THSD4: variants seen among roughly 807,000 people sequenced by gnomAD.
THSD4 encodes the protein thrombospondin type 1 domain containing 4, also known as thrombospondin type-1 domain-containing protein 4.
A neutral mutation model predicts 119.0 loss-of-function variants in THSD4; 69 were observed. The ratio of observed to expected loss-of-function variants is 0.58; its 90% CI spans 0.48 to 0.71. The LOEUF (loss-of-function observed/expected upper bound fraction) is 0.71, where lower values mean the gene tolerates loss of function less well. THSD4 is among the 30% of genes least tolerant of loss of function. The probability of loss-of-function intolerance (pLI) is 0.00; values close to 1 mark genes in which losing one functional copy is unlikely to be tolerated. For missense variants in THSD4, 1,393 were observed against 1,391.1 expected (o/e 1.00, Z -0.02); for synonymous variants, 524 against 540.4 (o/e 0.97, Z 0.42).
chr15:71,472,847 A>G (rs1342296169), intron 7 of THSD4, among the ~76,000 whole-genome samples: 1 of 152,160 alleles, frequency 6.6e-6, no homozygotes, highest in Non-Finnish European at 1.5e-5. Context: ...AAAAACTCCC[A>G]TGGGAAGGAA....
intron 3 of THSD4, among the ~76,000 whole-genome samples, chr15:71,168,207 A>G (rs2043314185): frequency 6.6e-6 from 1 of 152,254 alleles, no homozygotes; most frequent in Non-Finnish European, 1.5e-5. Flanking sequence ...AGACTTTAAT[A>G]AAACAATAAG....
At chr15:71,622,417 T>C (rs980991664) in intron 7 of THSD4, among the ~76,000 whole-genome samples, 5 of 152,186 alleles carry the variant, frequency 3.3e-5, no homozygotes, top group Non-Finnish European at 5.9e-5. Context: ...GTCCCAAATA[T>C]TACTCATAAA....
intron 7 of THSD4, among the ~76,000 whole-genome samples, chr15:71,506,202 C>A (rs1290643930): frequency 6.6e-6 from 1 of 152,114 alleles, no homozygotes; most frequent in African/African-American, 2.4e-5. Context: ...TTTTGCTGAT[C>A]TAGATCTTAG....
At chr15:71,527,911 C>G (rs183012180) in intron 7 of THSD4, among the ~76,000 whole-genome samples, 59 of 152,026 alleles carry the variant, frequency 3.9e-4, no homozygotes, top group Non-Finnish European at 7.5e-4. Flanking sequence ...CAGTGTCTTG[C>G]CATGTTGCCC....
chr15:71,442,695 T>TATAC (rs2047126267), intron 7 of THSD4, among the ~76,000 whole-genome samples: 1 of 118,442 alleles, frequency 8.4e-6, no homozygotes, highest in African/African-American at 3.1e-5. Flanking sequence ...TATATATATA[T>TATAC]ATATATATGA....
rs114400216 is a variant in THSD4, at chr15:71,690,556, T to C, written c.1357+29822T>C. Among the ~76,000 whole-genome samples, 502 of 152,294 alleles carry C rather than the reference T, an allele frequency of 3.3e-3. 5 individuals are homozygous for C. The highest frequency in any genetic ancestry group is 0.012 in the African/African-American group (482 of 41,582). The stretch of plus-strand genomic sequence containing the variant: ...TGTCCACAGCCTACTCCCGAGAACC[T>C]GTGAACATGTTAAGTTACATGGTGT... On this transcript the variant is annotated intron_variant, in intron 8 of 17. Coordinates refer to ENST00000261862, the MANE Select transcript of THSD4 (RefSeq NM_024817.3).
intron 7 of THSD4, among the ~76,000 whole-genome samples, chr15:71,519,111 C>A (rs1008738175): frequency 3.3e-5 from 5 of 152,118 alleles, no homozygotes; most frequent in Non-Finnish European, 7.3e-5. Flanking sequence ...GACTTTTGAA[C>A]TCAGACCTGA....
intron 3 of THSD4, among the ~76,000 whole-genome samples, chr15:71,199,727 A>G (rs1484942333): frequency 9.7e-3 from 189 of 19,524 alleles, no homozygotes; most frequent in Middle Eastern, 0.038. Context: ...GTGTGTGTGT[A>G]GTGTGTGTGT....
chr15:71,339,616 T>G (rs967060455), intron 6 of THSD4, among the ~76,000 whole-genome samples: 2 of 152,162 alleles, frequency 1.3e-5, no homozygotes, highest in African/African-American at 4.8e-5. Flanking sequence ...GGTAGGAACT[T>G]CTCTGTCATA....
At chr15:71,518,859 G>A (rs986021594) in intron 7 of THSD4, among the ~76,000 whole-genome samples, 2 of 152,154 alleles carry the variant, frequency 1.3e-5, no homozygotes, top group African/African-American at 4.8e-5. Context: ...GCCAGGCACT[G>A]TTGCTCAGGG....
chr15:71,715,737 C>T (rs532566793), intron 8 of THSD4, among the ~76,000 whole-genome samples: 7 of 150,724 alleles, frequency 4.6e-5, no homozygotes, highest in Non-Finnish European at 8.8e-5. Flanking sequence ...GCAATTTAGT[C>T]GCAGATTTGG....
intron 7 of THSD4, among the ~76,000 whole-genome samples, chr15:71,586,616 C>A (rs945477954): frequency 2.6e-5 from 4 of 152,122 alleles, no homozygotes; most frequent in Non-Finnish European, 5.9e-5. Context: ...AAACCTGTGA[C>A]CAGAAAGAGA....
intron 6 of THSD4, among the ~76,000 whole-genome samples, chr15:71,340,976 C>G (rs1031671652): frequency 1.3e-5 from 2 of 152,146 alleles, no homozygotes; most frequent in Non-Finnish European, 2.9e-5. Flanking sequence ...CTGGTCCCTA[C>G]AGTTCCTGGG....
chr15:71,361,072 AG>A (rs1222549222), intron 6 of THSD4, among the ~76,000 whole-genome samples: 1 of 152,152 alleles, frequency 6.6e-6, no homozygotes, highest in African/African-American at 2.4e-5. Flanking sequence ...AAGAAAAAGG[AG>A]AAGAGGTGAG....
At chr15:71,318,321 G>A (rs750152211) in intron 6 of THSD4, among the ~76,000 whole-genome samples, 1 of 152,130 alleles carries the variant, frequency 6.6e-6, no homozygotes, top group African/African-American at 2.4e-5. Flanking sequence ...TGTCAGGGGT[G>A]GAGACAGACA....
chr15:71,607,232 G>A (rs367678292), intron 7 of THSD4, among the ~76,000 whole-genome samples: 6 of 152,208 alleles, frequency 3.9e-5, no homozygotes, highest in Admixed American at 1.3e-4. Flanking sequence ...CTTCTCCAGA[G>A]GTTGGGGAAA....
chr15:71,382,255 G>A (rs940859308), intron 6 of THSD4, among the ~76,000 whole-genome samples: 2 of 152,008 alleles, frequency 1.3e-5, no homozygotes, highest in African/African-American at 4.8e-5. Flanking sequence ...TTATTTTCTG[G>A]GCCAAATGCC....
intron 7 of THSD4, among the ~76,000 whole-genome samples, chr15:71,482,195 T>C (rs138023359): frequency 6.6e-6 from 1 of 152,308 alleles, no homozygotes; most frequent in East Asian, 1.9e-4. Flanking sequence ...ACTGGTATCA[T>C]CTCTACTGAT....
intron 6 of THSD4, among the ~76,000 whole-genome samples, chr15:71,400,917 T>C (rs567962045): frequency 6.6e-6 from 1 of 152,302 alleles, no homozygotes; most frequent in African/African-American, 2.4e-5. Context: ...TGAATGGATC[T>C]GCAACTAAGC....
Sources: allele counts gnomAD v4.1 joint callset (sites outside exome capture counted in the v4.1 genomes callset), GRCh38; gene constraint gnomAD v4.1.1; transcripts MANE v1.5; gene names NCBI Gene and HGNC (gene_info 2026-07-23, HGNC 2026-07-21).